PDE4D: variants seen among roughly 807,000 people sequenced by gnomAD.
PDE4D encodes 3',5'-cyclic-AMP phosphodiesterase 4D.
PDE4D carries 24 observed loss-of-function variants against 87.4 expected under a neutral mutation model. The observed-to-expected ratio is 0.27, with a 90% CI of 0.20 to 0.39. PDE4D has a LOEUF of 0.39. PDE4D is among the 10% of genes least tolerant of loss of function. PDE4D has a pLI of 1.00. For synonymous variants in PDE4D, 384 were observed against 383.2 expected, an observed-to-expected ratio of 1.00 and a Z score of -0.02; for missense variants, 714 against 1,041.0, an observed-to-expected ratio of 0.69 and a Z score of 4.32.
In PDE4D at chr5:59,628,993, G is replaced by T. The variant is rs891848336; in HGVS notation, c.455+264175C>A. On this transcript the variant is annotated intron_variant, in intron 1 of 14. Transcript: ENST00000340635. Reference sequence around the variant, plus strand: ...CAAGGAGAAGTGCCAAACAAAAAAGGGAAAGCCCCTTAAAAAACCATCAGA... The same window carrying T: ...CAAGGAGAAGTGCCAAACAAAAAAGTGAAAGCCCCTTAAAAAACCATCAGA... Among the ~76,000 whole-genome samples the T allele has an allele frequency of 3.9e-5, 6 of 152,242 alleles. No individual in the cohort carries two copies. In the South Asian group the frequency reaches 1.2e-3, roughly 32 times the overall value.
chr5:59,052,217 T>G (rs1761662425), intron 5 of PDE4D, among the ~76,000 whole-genome samples: 1 of 152,112 alleles, frequency 6.6e-6, no homozygotes, highest in South Asian at 2.1e-4. Flanking sequence ...TATAGCTCAG[T>G]GTGCTGGGTT....
intron 5 of PDE4D, among the ~76,000 whole-genome samples, chr5:59,106,549 T>C (rs1771612473): frequency 6.6e-6 from 1 of 151,822 alleles, no homozygotes; most frequent in African/African-American, 2.4e-5. Context: ...GATCATGAGG[T>C]CAGGAGTTCA....
chr5:59,442,387 AACAGCTTAAT>A (rs1797767755), intron 1 of PDE4D, among the ~76,000 whole-genome samples: 1 of 152,222 alleles, frequency 6.6e-6, no homozygotes. Context: ...TCAGCAAGTT[AACAGCTTAAT>A]ACAAACTCAA....
intron 1 of PDE4D, among the ~76,000 whole-genome samples, chr5:59,764,034 C>G (rs1762485824): frequency 1.3e-5 from 2 of 152,116 alleles, no homozygotes; most frequent in Admixed American, 1.3e-4. Flanking sequence ...TGTATTTTTG[C>G]AGTGGGCAGA....
intron 1 of PDE4D, among the ~76,000 whole-genome samples, chr5:59,272,138 G>T (rs1297083309): frequency 1.3e-5 from 2 of 151,828 alleles, no homozygotes; most frequent in Non-Finnish European, 2.9e-5. Flanking sequence ...TTTATTTTCA[G>T]ATTACATAAT....
chr5:59,046,185 A>G (rs1760600721), intron 5 of PDE4D, among the ~76,000 whole-genome samples: 1 of 152,216 alleles, frequency 6.6e-6, no homozygotes, highest in Non-Finnish European at 1.5e-5. Flanking sequence ...TGAGACTTTG[A>G]AGAGCTTTGG....
At chr5:59,173,557 C>G (rs1369292242) in intron 5 of PDE4D, among the ~76,000 whole-genome samples, 3 of 152,176 alleles carry the variant, frequency 2.0e-5, no homozygotes, top group African/African-American at 7.2e-5. Context: ...ATCCGACAGT[C>G]ATTAGATGTA....
chr5:59,866,194 T>A (rs1300025590), intron 1 of PDE4D, among the ~76,000 whole-genome samples: 1 of 152,234 alleles, frequency 6.6e-6, no homozygotes, highest in Non-Finnish European at 1.5e-5. Flanking sequence ...TTCTTAAAAT[T>A]TGCAGCAGAC....
At chr5:60,017,014 CA>C (rs1765580866) in intron 2 of PDE4D, among the ~76,000 whole-genome samples, 2 of 152,134 alleles carry the variant, frequency 1.3e-5, no homozygotes, top group African/African-American at 4.8e-5. Flanking sequence ...ACTTGAAAGT[CA>C]AAATGACTCC....
chr5:59,931,305 T>C (rs937552567), intron 3 of PDE4D, among the ~76,000 whole-genome samples: 1 of 152,214 alleles, frequency 6.6e-6, no homozygotes, highest in African/African-American at 2.4e-5. Context: ...ATTTGTTATA[T>C]AAAAGAGTAA....
chr5:59,842,297 T>G (rs560199288), intron 1 of PDE4D, among the ~76,000 whole-genome samples: 2 of 152,160 alleles, frequency 1.3e-5, no homozygotes, highest in East Asian at 3.9e-4. Flanking sequence ...CAAGAGTGAC[T>G]GAAAGGATGA....
chr5:59,549,356 C>T (rs190734358), intron 1 of PDE4D, among the ~76,000 whole-genome samples: 25 of 152,194 alleles, frequency 1.6e-4, no homozygotes, highest in African/African-American at 5.3e-4. Context: ...ATTTGTTGTA[C>T]GTTATCATTT....
intron 3 of PDE4D, among the ~76,000 whole-genome samples, chr5:59,959,641 G>A (rs768652223): frequency 3.9e-5 from 6 of 152,090 alleles, no homozygotes; most frequent in Non-Finnish European, 7.4e-5. Flanking sequence ...ACAGTGCTGA[G>A]AAAACTGGCT....
intron 5 of PDE4D, chr5:59,179,686 T>C: frequency 2.2e-6 from 1 of 457,058 alleles, no homozygotes. Context: ...ACTAATAACT[T>C]AATAAGAGCT....
intron 1 of PDE4D, among the ~76,000 whole-genome samples, chr5:59,859,104 A>G (rs1745893596): frequency 6.6e-6 from 1 of 152,234 alleles, no homozygotes; most frequent in Non-Finnish European, 1.5e-5. Context: ...TATAATCTTT[A>G]GTAAGTATTT....
chr5:59,749,807 T>C (rs1760161911), intron 1 of PDE4D, among the ~76,000 whole-genome samples: 1 of 152,110 alleles, frequency 6.6e-6, no homozygotes, highest in African/African-American at 2.4e-5. Flanking sequence ...TGCTCCAAAC[T>C]TCAGACTCAT....
At chr5:59,322,980 G>T (rs1253262195) in intron 1 of PDE4D, among the ~76,000 whole-genome samples, 3 of 152,086 alleles carry the variant, frequency 2.0e-5, no homozygotes, top group Non-Finnish European at 4.4e-5. Context: ...GCTGACTAAT[G>T]CACCTTGCAA....
intron 2 of PDE4D, among the ~76,000 whole-genome samples, chr5:59,194,448 C>T (rs1745008738): frequency 6.6e-6 from 1 of 152,150 alleles, no homozygotes; most frequent in Non-Finnish European, 1.5e-5. Context: ...AATCTGAAAA[C>T]AACCTGAGTG....
chr5:60,237,552 C>T (rs1015799834), intron 1 of PDE4D, among the ~76,000 whole-genome samples: 1 of 151,932 alleles, frequency 6.6e-6, no homozygotes, highest in Non-Finnish European at 1.5e-5. Flanking sequence ...ATATAACAGT[C>T]TCAAAAAGAC....
Sources: allele counts gnomAD v4.1 joint callset (sites outside exome capture counted in the v4.1 genomes callset), GRCh38; gene constraint gnomAD v4.1.1; transcripts MANE v1.5; gene names NCBI Gene and HGNC (gene_info 2026-07-23, HGNC 2026-07-21).